The following ANXA4 variants were observed in gnomAD, a reference collection of about 807,000 sequenced individuals.
ANXA4 encodes 35-beta calcimedin.
In ANXA4, 39 loss-of-function variants were observed where a neutral mutation model predicts 49.8. The ratio of observed to expected loss-of-function variants is 0.78; its 90% CI spans 0.61 to 1.02. The LOEUF (loss-of-function observed/expected upper bound fraction) is 1.02. Among genes scored for constraint, ANXA4 ranks in the 50% least tolerant of loss-of-function variants. The pLI is 0.00. For missense variants in ANXA4, 360 were observed against 410.1 expected, an observed-to-expected ratio of 0.88 and a Z score of 1.05; for synonymous variants, 134 against 152.5, an observed-to-expected ratio of 0.88 and a Z score of 0.89.
At chr2:69,692,809 G>C (rs1387364604) in intron 2 of ANXA4, among the ~76,000 whole-genome samples, 2 of 152,152 alleles carry the variant, frequency 1.3e-5, no homozygotes. Context: ...ATATCATTTG[G>C]AGTATGCTTA....
chr2:69,821,254 G>C (rs769180398), intron 12 of ANXA4, among the ~76,000 whole-genome samples: 29 of 152,262 alleles, frequency 1.9e-4, no homozygotes, highest in Admixed American at 1.4e-3. Flanking sequence ...GGGCATGGTA[G>C]TGGTGAGAAA....
At chr2:69,654,807 T>C (rs199888269) in intron 2 of ANXA4, among the ~76,000 whole-genome samples, 6 of 152,176 alleles carry the variant, frequency 3.9e-5, no homozygotes, top group Admixed American at 1.3e-4. Context: ...CAAAACAGCA[T>C]AGTACTGGTA....
chr2:69,825,366 G>A (rs1425072285), intron 12 of ANXA4, 90 bp from the exon 13 acceptor site: 1 of 1,053,034 alleles, frequency 9.5e-7, no homozygotes, highest in African/African-American at 1.6e-5. Context: ...GAAAAATCCA[G>A]CCAAGCTTGA....
At chr2:69,736,838 A>AT (rs1670257868) in intron 3 of ANXA4, among the ~76,000 whole-genome samples, 1 of 152,170 alleles carries the variant, frequency 6.6e-6, no homozygotes, top group South Asian at 2.1e-4. Context: ...GTCTCGCTCT[A>AT]TCACTCAGGT....
chr2:69,661,517 GCT>G (rs1056207551), intron 2 of ANXA4, among the ~76,000 whole-genome samples: 1 of 152,064 alleles, frequency 6.6e-6, no homozygotes, highest in Non-Finnish European at 1.5e-5. Flanking sequence ...ATTACAGTGA[GCT>G]ATGATCTTGT....
intron 1 of ANXA4, among the ~76,000 whole-genome samples, chr2:69,757,811 T>C (rs1477170606): frequency 6.6e-6 from 1 of 151,516 alleles, no homozygotes; most frequent in East Asian, 2.0e-4. Flanking sequence ...ATACAAAAAT[T>C]AGCTGGGCAT....
At chr2:69,765,911 C>T (rs575978346) in intron 1 of ANXA4, among the ~76,000 whole-genome samples, 7 of 152,262 alleles carry the variant, frequency 4.6e-5, no homozygotes, top group African/African-American at 1.7e-4. Flanking sequence ...TAATGCCAGT[C>T]CTATGGCTTC....
intron 2 of ANXA4, among the ~76,000 whole-genome samples, chr2:69,666,785 C>A (rs963510790): frequency 2.0e-5 from 3 of 152,160 alleles, no homozygotes; most frequent in African/African-American, 7.2e-5. Flanking sequence ...GTGGCTCATG[C>A]CTGTAATCCC....
chr2:69,820,778 A>C lies in ANXA4; in HGVS notation c.863A>C (p.His288Pro). The change falls in exon 12 of 13, where the codon CAC becomes CCC. Residue 288 changes from histidine to proline, a missense_variant. By Grantham distance (77) the His-to-Pro change is moderately conservative. Transcript: ENST00000394295. ...AEIDMLDIRA[H>P]FKRLYGKSLY... is the part of the protein sequence containing the mutation. ...ATTGACATGTTGGATATCCGGGCAC[A>C]CTTCAAGAGACTCTATGGAAAGTCT... The C allele has an allele frequency of 1.2e-6, 2 of 1,614,134 alleles. No individual in the cohort carries two copies. The highest frequency in any genetic ancestry group is 1.7e-6 in the Non-Finnish European group (2 of 1,180,008).
At chr2:69,745,881 A>G (rs899678795) in intron 1 of ANXA4, among the ~76,000 whole-genome samples, 28 of 152,134 alleles carry the variant, frequency 1.8e-4, no homozygotes, top group African/African-American at 6.8e-4. Flanking sequence ...TACTTCATAA[A>G]TTGAATAAAG....
intron 1 of ANXA4, among the ~76,000 whole-genome samples, chr2:69,757,770 A>G (rs917668532): frequency 2.6e-5 from 4 of 151,526 alleles, no homozygotes; most frequent in Non-Finnish European, 4.4e-5. Context: ...CATCCTGGGC[A>G]ACATGGTGAA....
chr2:69,685,618 GA>G (rs1677759213), intron 2 of ANXA4, among the ~76,000 whole-genome samples: 1 of 152,166 alleles, frequency 6.6e-6, no homozygotes, highest in Admixed American at 6.5e-5. Context: ...ATGGCAGAAC[GA>G]AAATTCCTAG....
chr2:69,667,060 TAATAAAATAAAATGA>T (rs1352485708), intron 2 of ANXA4, among the ~76,000 whole-genome samples: 7 of 150,486 alleles, frequency 4.7e-5, no homozygotes, highest in African/African-American at 9.8e-5. Flanking sequence ...TAAAATAAAA[TAATAAAATAAAATGA>T]AATAAAATAA....
intron 3 of ANXA4, among the ~76,000 whole-genome samples, chr2:69,798,059 AG>A (rs1213207689): frequency 1.3e-5 from 2 of 152,182 alleles, no homozygotes; most frequent in Admixed American, 6.5e-5. Context: ...TGCCTCATAG[AG>A]GGGCTATCCG....
chr2:69,746,674 A>G lies in ANXA4; in HGVS notation c.-47+4499A>G, dbSNP rs1017093581. ...AGTTGTTTGATGTCAGTAAATTGCC[A>G]TAATGCTTCTTGGTCCACACTGCTT... On this transcript the variant is annotated intron_variant, in intron 1 of 12. Coordinates refer to ENST00000394295, the MANE Select transcript of ANXA4 (RefSeq NM_001153.5). Among the ~76,000 whole-genome samples, 5 of 152,298 alleles carry G rather than the reference A, an allele frequency of 3.3e-5. No individual in the cohort carries two copies. In the East Asian group the frequency reaches 7.7e-4, roughly 24 times the overall value.
intron 4 of ANXA4, among the ~76,000 whole-genome samples, chr2:69,805,080 G>A (rs1041158767): frequency 1.6e-5 from 2 of 126,732 alleles, no homozygotes; most frequent in East Asian, 2.5e-4. Flanking sequence ...AAAGAATAGC[G>A]ATTCAGCTCC....
intron 12 of ANXA4, among the ~76,000 whole-genome samples, chr2:69,825,066 CAAAAAA>C (rs10565929): frequency 3.8e-5 from 2 of 52,874 alleles, no homozygotes; most frequent in African/African-American, 1.3e-4. Flanking sequence ...GACTCTGTCT[CAAAAAA>C]AAAAAAAAAA....
intron 1 of ANXA4, among the ~76,000 whole-genome samples, chr2:69,772,391 C>G (rs1671758812): frequency 6.6e-6 from 1 of 152,202 alleles, no homozygotes; most frequent in Admixed American, 6.5e-5. Flanking sequence ...CTGCTAAGAG[C>G]ATGGCACTGC....
At chr2:69,708,739 G>A (rs909370955) in intron 2 of ANXA4, among the ~76,000 whole-genome samples, 1 of 151,918 alleles carries the variant, frequency 6.6e-6, no homozygotes, top group Non-Finnish European at 1.5e-5. Context: ...CTGTGTACTC[G>A]AGGTCAGCTT....
Sources: gnomAD v4.1 joint callset for allele counts (sites outside exome capture counted in the v4.1 genomes callset) on GRCh38, gnomAD v4.1.1 for gene constraint, MANE v1.5 for transcripts, NCBI Gene and HGNC (gene_info 2026-07-23, HGNC 2026-07-21) for gene names.